TRAPPC9: variants seen among roughly 807,000 people sequenced by gnomAD.
TRAPPC9 encodes IKK2 binding protein.
In TRAPPC9, 83 loss-of-function variants were observed where a neutral mutation model predicts 124.0. That is an observed-to-expected ratio of 0.67 (90% CI 0.56 to 0.80). The LOEUF is 0.80. Among genes scored for constraint, TRAPPC9 ranks in the 30% least tolerant of loss-of-function variants. The pLI, the probability that TRAPPC9 is intolerant of heterozygous loss-of-function variation, is 0.00. For synonymous variants in TRAPPC9, 638 were observed against 617.5 expected, an observed-to-expected ratio of 1.03 and a Z score of -0.49; for missense variants, 1,302 against 1,508.3, an observed-to-expected ratio of 0.86 and a Z score of 2.27.
chr8:140,322,278 G>A (rs891880409), intron 9 of TRAPPC9, among the ~76,000 whole-genome samples: 1 of 152,078 alleles, frequency 6.6e-6, no homozygotes, highest in African/African-American at 2.4e-5. Flanking sequence ...GTCAAATCCT[G>A]ACCAAACACC....
chr8:139,959,090 C>T (rs1354092613), intron 19 of TRAPPC9, among the ~76,000 whole-genome samples: 1 of 152,138 alleles, frequency 6.6e-6, no homozygotes, highest in African/African-American at 2.4e-5. Flanking sequence ...CCGAGTCACA[C>T]GGGGGAGCCC....
chr8:140,048,305 T>A (rs1022404698), intron 17 of TRAPPC9, among the ~76,000 whole-genome samples: 4 of 152,186 alleles, frequency 2.6e-5, no homozygotes, highest in Non-Finnish European at 2.9e-5. Context: ...ATGATGACAA[T>A]GACTCCACCT....
chr8:139,851,682 G>C (rs1377583712), intron 21 of TRAPPC9, among the ~76,000 whole-genome samples: 1 of 152,210 alleles, frequency 6.6e-6, no homozygotes, highest in African/African-American at 2.4e-5. Flanking sequence ...GAGTCGGGAA[G>C]GGGAAAGGTC....
At chr8:140,118,394 G>A (rs574752102) in intron 17 of TRAPPC9, among the ~76,000 whole-genome samples, 56 of 152,360 alleles carry the variant, frequency 3.7e-4, no homozygotes, top group African/African-American at 1.2e-3. Flanking sequence ...GCCTTCAAGA[G>A]GCTCCAGAGA....
chr8:140,298,021 A>T (rs2065861963), intron 11 of TRAPPC9, among the ~76,000 whole-genome samples: 1 of 152,200 alleles, frequency 6.6e-6, no homozygotes, highest in Non-Finnish European at 1.5e-5. Context: ...GTTACTTCTA[A>T]AAGTCGTTTC....
intron 21 of TRAPPC9, among the ~76,000 whole-genome samples, chr8:139,840,085 C>T (rs1250458537): frequency 6.6e-6 from 1 of 152,252 alleles, no homozygotes; most frequent in Non-Finnish European, 1.5e-5. Context: ...GTACTAAATT[C>T]CCCTGGACTG....
chr8:140,280,585 T>A (rs1038581618), intron 14 of TRAPPC9, among the ~76,000 whole-genome samples: 1 of 151,946 alleles, frequency 6.6e-6, no homozygotes, highest in African/African-American at 2.4e-5. Flanking sequence ...CCTGCCACCA[T>A]GCCCAGCTAA....
intron 21 of TRAPPC9, among the ~76,000 whole-genome samples, chr8:139,873,596 TCA>T (rs1829138708): frequency 6.6e-6 from 1 of 152,086 alleles, no homozygotes; most frequent in African/African-American, 2.4e-5. Context: ...TCCAAGGAGC[TCA>T]CAGTCTTGGG....
At chr8:140,235,126 C>T (rs1259257284) in intron 16 of TRAPPC9, among the ~76,000 whole-genome samples, 1 of 152,150 alleles carries the variant, frequency 6.6e-6, no homozygotes. Flanking sequence ...CGCCTGCCAC[C>T]ATGCCCAGCT....
chr8:139,949,860 A>G (rs980634122), intron 19 of TRAPPC9, among the ~76,000 whole-genome samples: 2 of 152,228 alleles, frequency 1.3e-5, no homozygotes, highest in African/African-American at 2.4e-5. Flanking sequence ...TATCCTCAAT[A>G]CCAATGAGTT....
chr8:139,971,925 G>A (rs955595528), intron 19 of TRAPPC9, among the ~76,000 whole-genome samples: 13 of 151,924 alleles, frequency 8.6e-5, no homozygotes, highest in Middle Eastern at 3.4e-3. Flanking sequence ...GGGTTCAAGC[G>A]ATTCTCCTGC....
At chr8:140,411,474 T>C (rs1231431120) in intron 5 of TRAPPC9, among the ~76,000 whole-genome samples, 1 of 152,172 alleles carries the variant, frequency 6.6e-6, no homozygotes, top group Non-Finnish European at 1.5e-5. Flanking sequence ...CCCAAGTAGC[T>C]GGGACTACAG....
chr8:139,932,360 C>T (rs2233234), intron 19 of TRAPPC9: 185 of 457,924 alleles, frequency 4.0e-4, no homozygotes, highest in African/African-American at 2.8e-3. Flanking sequence ...AGCAGAGTGA[C>T]ATATGCCACA....
chr8:140,302,993 C>A (rs2066026175), intron 10 of TRAPPC9, among the ~76,000 whole-genome samples: 1 of 152,082 alleles, frequency 6.6e-6, no homozygotes, highest in Admixed American at 6.6e-5. Flanking sequence ...GGGAGAAAAT[C>A]CTGGACAGTG....
chr8:140,057,230 T>G (rs1042206264), intron 17 of TRAPPC9, among the ~76,000 whole-genome samples: 13 of 152,170 alleles, frequency 8.5e-5, no homozygotes, highest in Admixed American at 7.2e-4. Context: ...CCTTGGACAC[T>G]GATGGTGGGA....
intron 19 of TRAPPC9, among the ~76,000 whole-genome samples, chr8:139,955,413 G>C (rs537090415): frequency 6.6e-6 from 1 of 151,898 alleles, no homozygotes; most frequent in Admixed American, 6.6e-5. Context: ...GGGCTCCTCC[G>C]AGATGGATCC....
At chr8:139,883,758 G>A (rs557572973) in intron 21 of TRAPPC9, among the ~76,000 whole-genome samples, 1 of 152,326 alleles carries the variant, frequency 6.6e-6, no homozygotes, top group East Asian at 1.9e-4. Flanking sequence ...TTTCAGGCAG[G>A]ACCGGGCTGA....
chr8:139,785,477 C>T (rs1333887145), intron 21 of TRAPPC9, among the ~76,000 whole-genome samples: 27 of 151,736 alleles, frequency 1.8e-4, no homozygotes, highest in Admixed American at 1.6e-3. Context: ...GCGAGTGGAT[C>T]GCGTGAGGCC....
intron 19 of TRAPPC9, among the ~76,000 whole-genome samples, chr8:139,951,731 C>T (rs1162618125): frequency 6.6e-6 from 1 of 152,206 alleles, no homozygotes; most frequent in African/African-American, 2.4e-5. Context: ...TCTGAGTCTG[C>T]ACCAAAGGGC....
Sources: allele counts gnomAD v4.1 joint callset (sites outside exome capture counted in the v4.1 genomes callset), GRCh38; gene constraint gnomAD v4.1.1; transcripts MANE v1.5; gene names NCBI Gene and HGNC (gene_info 2026-07-23, HGNC 2026-07-21).